PKDCC: variants seen among roughly 807,000 people sequenced by gnomAD.
The protein encoded by PKDCC is extracellular tyrosine-protein kinase PKDCC.
PKDCC carries 35 observed loss-of-function variants against 44.7 expected under a neutral mutation model. That is an observed-to-expected ratio of 0.78 (90% CI 0.60 to 1.04). The LOEUF (loss-of-function observed/expected upper bound fraction) is 1.04. Ranked by LOEUF, PKDCC falls within the 50% of genes least tolerant of loss-of-function variation. The pLI, the probability that PKDCC is intolerant of heterozygous loss-of-function variation, is 0.00. For synonymous variants in PKDCC, 353 were observed against 303.3 expected, an observed-to-expected ratio of 1.16 and a Z score of -1.70; for missense variants, 738 against 672.7, an observed-to-expected ratio of 1.10 and a Z score of -1.07.
chr2:42,048,224 GC>G lies in PKDCC; in HGVS notation c.27del (p.Ala10ArgfsTer78). The G allele has an allele frequency of 8.1e-7, 1 of 1,238,234 alleles. No individual in the cohort carries two copies. The allele number at this position is 1,238,234 out of a possible 1,614,324, so 76.7% of individuals were successfully genotyped here. On this transcript the variant is annotated frameshift_variant, in exon 1 of 7. Coordinates refer to ENST00000294964, the MANE Select transcript of PKDCC (RefSeq NM_138370.3). LOFTEE classifies it high-confidence loss of function. The surrounding 1 kb of genome is among the most constrained non-coding windows in gnomAD (Gnocchi z 6.2). MRRRRAAVAAGFCASFLLG... is the reference protein window; with the variant it reads MRRRRAAVXAGFCASFLLG... ...GATGCGGCGCCGGCGGGCGGCAGTG[GC>G]CGCGGGTTTCTGCGCCTCCTTCCTG... is the stretch of plus-strand genomic sequence containing the variant.
In PKDCC at chr2:42,053,258, A is replaced by G; in HGVS notation, c.659A>G (p.Gln220Arg). Residue 220 changes from glutamine to arginine, a missense_variant, in exon 2 of 7, where the codon CAG (glutamine) becomes CGG (arginine). Transcript: ENST00000294964. ...CCCCAGCTCTATGGCTACTGCTACCAGGACAGCGAGGACATCCCAGACACC... is the reference window on the plus strand; with the variant it reads ...CCCCAGCTCTATGGCTACTGCTACCGGGACAGCGAGGACATCCCAGACACC... The part of the protein sequence containing the change: ...NVLQLYGYCY[Q>R]DSEDIPDTLT... 5 of 1,603,026 alleles carry G rather than the reference A, an allele frequency of 3.1e-6. No homozygotes were observed. The highest frequency in any genetic ancestry group is 4.2e-6 in the Non-Finnish European group (5 of 1,177,682).
chr2:42,050,238 G>A (rs954459338), intron 1 of PKDCC, among the ~76,000 whole-genome samples: 2 of 152,210 alleles, frequency 1.3e-5, no homozygotes, highest in Non-Finnish European at 2.9e-5. Context: ...CGTGTCTGCA[G>A]CTTCAGGGAG....
intron 2 of PKDCC, among the ~76,000 whole-genome samples, chr2:42,053,771 T>C (rs181607405): frequency 6.6e-6 from 1 of 152,288 alleles, no homozygotes; most frequent in East Asian, 1.9e-4. Context: ...AGGGAAGAGA[T>C]GCATTATCCC....
Position 42,058,127 on chromosome 2 carries a change from T to A in PKDCC, c.*439T>A, listed in dbSNP as rs1438387800. The A allele has an allele frequency of 5.7e-6, 1 of 175,592 alleles. No individual in the cohort carries two copies. Among genetic ancestry groups the A allele is most frequent in the African/African-American group, 2.4e-5 (1 of 42,108 alleles). 10.9% of individuals were successfully genotyped at this position (175,592 alleles called of 1,614,324 possible). ...TGCGTGGGGACAATCCATCGTGGAGTGTTCTCTCAGCTTAGGTCTGGACAG... is the reference window on the plus strand; with the variant it reads ...TGCGTGGGGACAATCCATCGTGGAGAGTTCTCTCAGCTTAGGTCTGGACAG... On this transcript the variant is annotated 3_prime_UTR_variant, in exon 7 of 7. Transcript: ENST00000294964. This position sits in a 1 kb window ranked among gnomAD's most constrained non-coding sequence, Gnocchi z 4.2.
Position 42,048,316 on chromosome 2 carries a change from T to G in PKDCC, c.117T>G (p.Pro39=), listed in dbSNP as rs1402885239. ...GSEPPRPGQS[P]EPSPAPGPGR... is the part of the protein sequence containing the mutation. ...AGCCTCCGAGGCCAGGCCAGTCCCC[T>G]GAGCCTTCGCCGGCCCCGGGTCCGG... The change falls in exon 1 of 7, where the codon CCT becomes CCG. Residue 39 remains proline (P), a synonymous_variant. Transcript: ENST00000294964. This position sits in a 1 kb window ranked among gnomAD's most constrained non-coding sequence, Gnocchi z 6.2. The G allele has an allele frequency of 1.0e-5, 12 of 1,197,826 alleles. No homozygotes were observed. Among genetic ancestry groups the G allele is most frequent in the Non-Finnish European group, 1.2e-5 (12 of 965,178 alleles). The allele number at this position is 1,197,826 out of a possible 1,614,324, so 74.2% of individuals were successfully genotyped here. A position where few individuals can be genotyped will look rare whatever the true frequency, so the allele number is the denominator to read the frequency against.
chr2:42,057,248 T>C lies in PKDCC; in HGVS notation c.1250T>C (p.Ile417Thr), dbSNP rs764631344. ...TACCAGTGTATCCCAGACAGCACCATCCCCCAGGAAGACTACCGCTGCTGG... is the reference window on the plus strand; with the variant it reads ...TACCAGTGTATCCCAGACAGCACCACCCCCCAGGAAGACTACCGCTGCTGG... Reference protein sequence around the residue: ...TEYQCIPDSTIPQEDYRCWPS... With the variant: ...TEYQCIPDSTTPQEDYRCWPS... The change falls in exon 6 of 7, where the codon ATC (isoleucine) becomes ACC (threonine). Residue 417 changes from isoleucine to threonine, a missense_variant. Transcript: ENST00000294964. 1 of 1,614,138 alleles carries C rather than the reference T, an allele frequency of 6.2e-7. No individual in the cohort carries two copies. The highest frequency in any genetic ancestry group is 1.7e-5 in the Admixed American group (1 of 60,008).
In PKDCC at chr2:42,054,415, T is replaced by G; in HGVS notation, c.1034+108T>G. On this transcript the variant is annotated intron_variant, in intron 3 of 6. Coordinates refer to ENST00000294964, the MANE Select transcript of PKDCC (RefSeq NM_138370.3). This position sits in a 1 kb window ranked among gnomAD's most constrained non-coding sequence, Gnocchi z 6.1. ...CCAGCTGGGCAGGGAGACTCAGCCT[T>G]GACCAGAGCAAGGGAAGGCTTCTAC... 1 of 1,348,050 alleles carries G rather than the reference T, an allele frequency of 7.4e-7. No individual in the cohort carries two copies. The highest frequency in any genetic ancestry group is 1.4e-5 in the South Asian group (1 of 69,448). The allele number at this position is 1,348,050 out of a possible 1,614,324, so 83.5% of individuals were successfully genotyped here.
At chr2:42,049,177 T>G (rs1667926966) in intron 1 of PKDCC, among the ~76,000 whole-genome samples, 1 of 152,152 alleles carries the variant, frequency 6.6e-6, no homozygotes, top group African/African-American at 2.4e-5. Flanking sequence ...CCAGGGATAT[T>G]ACCCCAAGCC....
At chr2:42,056,229 A>G (rs1225798591) in intron 5 of PKDCC, among the ~76,000 whole-genome samples, 1 of 152,084 alleles carries the variant, frequency 6.6e-6, no homozygotes, top group Non-Finnish European at 1.5e-5. Flanking sequence ...GGGCTTCTGC[A>G]TTATCAGTCC....
chr2:42,057,704 G>A lies in PKDCC; in HGVS notation c.*16G>A, dbSNP rs900298104. On this transcript the variant is annotated 3_prime_UTR_variant, in exon 7 of 7. Coordinates refer to ENST00000294964, the MANE Select transcript of PKDCC (RefSeq NM_138370.3). ...CTCTGGCTGACCTATCTGAGGGCTC[G>A]GCTGACCAGCTGACTATCCTCAGCA... 18 of 1,610,260 alleles carry A rather than the reference G, an allele frequency of 1.1e-5. No individual in the cohort carries two copies. The highest frequency in any genetic ancestry group is 2.2e-5 in the South Asian group (2 of 90,756).
Position 42,057,647 on chromosome 2 carries a change from C to T in PKDCC, c.1441C>T (p.Pro481Ser). The T allele has an allele frequency of 6.2e-7, 1 of 1,614,018 alleles. No homozygotes were observed. The highest frequency in any genetic ancestry group is 1.1e-5 in the South Asian group (1 of 91,068). ...FFKTGWSQVV[P>S]DPNKTTYVKA... ...CAAGACTGGATGGAGCCAAGTGGTC[C>T]CTGATCCCAACAAGACCACATATGT... The change falls in exon 7 of 7, where the codon CCT becomes TCT. Residue 481 changes from proline to serine, a missense_variant. Coordinates refer to ENST00000294964, the MANE Select transcript of PKDCC (RefSeq NM_138370.3).
chr2:42,054,377 G>C lies in PKDCC; in HGVS notation c.1034+70G>C. 1 of 1,512,308 alleles carries C rather than the reference G, an allele frequency of 6.6e-7. No homozygotes were observed. Among genetic ancestry groups the C allele is most frequent in the Non-Finnish European group, 8.9e-7 (1 of 1,123,836 alleles). The allele number at this position is 1,512,308 out of a possible 1,614,324, so 93.7% of individuals were successfully genotyped here. ...GCCAGGAGGGCATGGCAGGAAGAGA[G>C]CCAACGTGGAGGCCAGCTGGGCAGG... On this transcript the variant is annotated intron_variant, in intron 3 of 6. Coordinates refer to ENST00000294964, the MANE Select transcript of PKDCC (RefSeq NM_138370.3). This position sits in a 1 kb window ranked among gnomAD's most constrained non-coding sequence, Gnocchi z 6.1.
Position 42,054,934 on chromosome 2 carries a change from G to A in PKDCC, c.1035-7G>A. On this transcript the variant is annotated splice_region_variant and splice_polypyrimidine_tract_variant and intron_variant, in intron 3 of 6. Transcript: ENST00000294964. The surrounding 1 kb of genome is among the most constrained non-coding windows in gnomAD (Gnocchi z 6.1). ...ATTCCTGAGCCACTGGTTTCCCTCT[G>A]CCACAGGTTTTTCTTCACATACCTC... The A allele has an allele frequency of 7.4e-6, 12 of 1,612,716 alleles. No homozygotes were observed. Among genetic ancestry groups the A allele is most frequent in the Non-Finnish European group, 9.3e-6 (11 of 1,178,752 alleles).
Position 42,048,713 on chromosome 2 carries a change from G to A in PKDCC, c.514G>A (p.Gly172Ser). The change falls in exon 1 of 7, where the codon GGC (glycine) becomes AGC (serine). Residue 172 changes from glycine to serine, a missense_variant. Gly to Ser is a moderately conservative substitution (Grantham distance 56). Transcript: ENST00000294964. This position sits in a 1 kb window ranked among gnomAD's most constrained non-coding sequence, Gnocchi z 6.2. ...AVALKAVDFS[G>S]HDLGSCVREF... ...GGCGCTCAAGGCGGTGGACTTTAGC[G>A]GCCACGATCTGGGCAGCTGCGTGCG... The A allele has an allele frequency of 6.4e-7, 1 of 1,558,842 alleles. No homozygotes were observed.
chr2:42,048,616 C>G lies in PKDCC; in HGVS notation c.417C>G (p.Ser139=). 1 of 1,523,558 alleles carries G rather than the reference C, an allele frequency of 6.6e-7. No individual in the cohort carries two copies. The allele number at this position is 1,523,558 out of a possible 1,614,324, so 94.4% of individuals were successfully genotyped here. ...GCTGCGCCGCGCTTCGCAACGTGTC[C>G]GGCGCGCAGTACATGGGCTCAGGCT... The part of the protein sequence containing the change: ...RLGCAALRNV[S]GAQYMGSGYT... Residue 139 remains serine (S), a synonymous_variant, in exon 1 of 7, where the codon TCC becomes TCG. Coordinates refer to ENST00000294964, the MANE Select transcript of PKDCC (RefSeq NM_138370.3). This position sits in a 1 kb window ranked among gnomAD's most constrained non-coding sequence, Gnocchi z 6.2.
chr2:42,055,246 A>G lies in PKDCC; in HGVS notation c.1115-40A>G. 1.9e-6 allele frequency: 3 copies of G among 1,564,438 alleles called. No homozygotes were observed. Among genetic ancestry groups the G allele is most frequent in the Non-Finnish European group, 2.6e-6 (3 of 1,146,130 alleles). ...GCTGCTGACTTCAGGGAGGAGTGGG[A>G]GCCCCAGGCATCCTGTCTTAGCCAC... On this transcript the variant is annotated intron_variant, in intron 4 of 6. Transcript: ENST00000294964. This position sits in a 1 kb window ranked among gnomAD's most constrained non-coding sequence, Gnocchi z 4.5.
chr2:42,051,135 A>G lies in PKDCC; in HGVS notation c.640-2104A>G, dbSNP rs929435881. On this transcript the variant is annotated intron_variant, in intron 1 of 6. Transcript: ENST00000294964. This position sits in a 1 kb window ranked among gnomAD's most constrained non-coding sequence, Gnocchi z 4.2. Reference sequence around the variant, plus strand: ...CTGTGGATTCTAATAGAAAATGCCCAGGCTAGCAGGCCCCATTCTGCACCT... The same window carrying G: ...CTGTGGATTCTAATAGAAAATGCCCGGGCTAGCAGGCCCCATTCTGCACCT... Among the ~76,000 whole-genome samples the G allele has an allele frequency of 1.3e-5, 2 of 152,042 alleles. No homozygotes were observed. Among genetic ancestry groups the G allele is most frequent in the African/African-American group, 4.8e-5 (2 of 41,366 alleles).
At chr2:42,056,551 T>C (rs1055143379) in intron 5 of PKDCC, among the ~76,000 whole-genome samples, 2 of 152,170 alleles carry the variant, frequency 1.3e-5, no homozygotes, top group African/African-American at 4.8e-5. Context: ...CAGGCCACAC[T>C]GGATGCTGGT....
Position 42,052,197 on chromosome 2 carries a change from C to T in PKDCC, c.640-1042C>T, listed in dbSNP as rs1384920157. ...GAACTGATCTTCCAGGAGGAATCAT[C>T]ACTCACTACCACCCCCACTGATACA... On this transcript the variant is annotated intron_variant, in intron 1 of 6. Transcript: ENST00000294964. This position sits in a 1 kb window ranked among gnomAD's most constrained non-coding sequence, Gnocchi z 4.3. 6.6e-6 allele frequency among the ~76,000 whole-genome samples: 1 copy of T among 152,112 alleles called. No homozygotes were observed. Among genetic ancestry groups the T allele is most frequent in the East Asian group, 1.9e-4 (1 of 5,184 alleles).
Sources: gnomAD v4.1 joint callset for allele counts (sites outside exome capture counted in the v4.1 genomes callset) on GRCh38, gnomAD v4.1.1 for gene constraint, Gnocchi (gnomAD v3.1) non-coding constraint, MANE v1.5 for transcripts, NCBI Gene and HGNC (gene_info 2026-07-23, HGNC 2026-07-21) for gene names.